SRGAP1: variants seen among roughly 807,000 people sequenced by gnomAD.
The protein encoded by SRGAP1 is SLIT-ROBO Rho GTPase activating protein 1, also known as SLIT-ROBO Rho GTPase-activating protein 1.
SRGAP1 carries 43 observed loss-of-function variants against 121.9 expected under a neutral mutation model. The observed-to-expected ratio is 0.35, with a 90% CI of 0.28 to 0.46. The LOEUF is 0.46. SRGAP1 is among the 20% of genes least tolerant of loss of function. SRGAP1 has a pLI of 1.00. For missense variants in SRGAP1, 1,102 were observed against 1,350.9 expected, an observed-to-expected ratio of 0.82 and a Z score of 2.89; for synonymous variants, 447 against 485.4, an observed-to-expected ratio of 0.92 and a Z score of 1.04.
chr12:63,867,744 G>T (rs943950854), intron 1 of SRGAP1, among the ~76,000 whole-genome samples: 2 of 151,684 alleles, frequency 1.3e-5, no homozygotes, highest in Admixed American at 6.6e-5. Context: ...AGAAGCTATG[G>T]TCTTAATTAG....
At chr12:64,065,031 A>G in intron 7 of SRGAP1, 87 bp from the exon 8 acceptor site, 2 of 886,676 alleles carry the variant, frequency 2.3e-6, no homozygotes, top group South Asian at 1.6e-5. Context: ...GATTGGTGTG[A>G]TTCATGCATC....
chr12:64,036,626 A>G (rs184901781), intron 4 of SRGAP1, among the ~76,000 whole-genome samples: 3 of 152,310 alleles, frequency 2.0e-5, no homozygotes, highest in African/African-American at 7.2e-5. Flanking sequence ...CTGAGAGGCC[A>G]TAAATTCCAA....
chr12:63,903,776 G>A (rs1232651357), intron 1 of SRGAP1, among the ~76,000 whole-genome samples: 3 of 151,694 alleles, frequency 2.0e-5, no homozygotes, highest in African/African-American at 4.8e-5. Flanking sequence ...CTGGGACTAC[G>A]GGCGCCCGCC....
chr12:64,022,214 G>A (rs1258651082), intron 4 of SRGAP1, among the ~76,000 whole-genome samples: 4 of 152,112 alleles, frequency 2.6e-5, no homozygotes, highest in African/African-American at 9.7e-5. Context: ...GGCTCCCACA[G>A]TTACAGAAGA....
chr12:63,911,048 C>G (rs893860815), intron 1 of SRGAP1, among the ~76,000 whole-genome samples: 4 of 151,960 alleles, frequency 2.6e-5, no homozygotes, highest in African/African-American at 7.3e-5. Context: ...GCCTGTAATC[C>G]CAGCACTTTG....
chr12:63,969,853 A>G (rs188763458), intron 1 of SRGAP1, among the ~76,000 whole-genome samples: 103 of 151,910 alleles, frequency 6.8e-4, no homozygotes, highest in Middle Eastern at 3.5e-3. Context: ...TGTACAGACC[A>G]AAACTCTCTT....
intron 2 of SRGAP1, among the ~76,000 whole-genome samples, chr12:63,986,168 C>T (rs1346707425): frequency 6.6e-6 from 1 of 150,512 alleles, no homozygotes; most frequent in African/African-American, 2.4e-5. Flanking sequence ...TTTTTTCTTC[C>T]TCTCCCTTTC....
At chr12:64,023,204 CAA>C (rs11312893) in intron 4 of SRGAP1, among the ~76,000 whole-genome samples, 6,414 of 77,326 alleles carry the variant, frequency 0.083, 168 homozygotes, top group African/African-American at 0.16. Context: ...ACTTTTGTAC[CAA>C]AAAAAAAAAA....
intron 1 of SRGAP1, among the ~76,000 whole-genome samples, chr12:63,902,593 T>G (rs1259864422): frequency 6.6e-6 from 1 of 152,196 alleles, no homozygotes; most frequent in African/African-American, 2.4e-5. Flanking sequence ...CTAGATTTGG[T>G]TATAAAGTAA....
chr12:64,021,825 A>G (rs1412140911), intron 4 of SRGAP1, among the ~76,000 whole-genome samples: 2 of 152,234 alleles, frequency 1.3e-5, no homozygotes, highest in African/African-American at 4.8e-5. Context: ...GTGTATTTAA[A>G]TGATTTAACA....
chr12:63,881,083 C>T (rs958806182), intron 1 of SRGAP1, among the ~76,000 whole-genome samples: 2 of 152,104 alleles, frequency 1.3e-5, no homozygotes, highest in Admixed American at 6.6e-5. Flanking sequence ...GTATATTTTG[C>T]GAAGTCAACT....
At chr12:63,846,452 G>A (rs2136248804) in intron 1 of SRGAP1, among the ~76,000 whole-genome samples, 1 of 152,240 alleles carries the variant, frequency 6.6e-6, no homozygotes, top group Middle Eastern at 3.4e-3. Context: ...AGCACTAATT[G>A]GCAAATGCAC....
intron 1 of SRGAP1, among the ~76,000 whole-genome samples, chr12:63,871,365 T>G (rs1433914002): frequency 6.6e-6 from 1 of 152,338 alleles, no homozygotes; most frequent in East Asian, 1.9e-4. Flanking sequence ...CCTGGGTAAA[T>G]TGAAATCTAA....
intron 1 of SRGAP1, among the ~76,000 whole-genome samples, chr12:63,963,724 A>C (rs937133093): frequency 1.3e-5 from 2 of 152,182 alleles, no homozygotes; most frequent in African/African-American, 4.8e-5. Context: ...TCTGATGACC[A>C]CTATTTTCTT....
intron 1 of SRGAP1, among the ~76,000 whole-genome samples, chr12:63,911,993 G>A (rs2030523112): frequency 6.6e-6 from 1 of 152,170 alleles, no homozygotes; most frequent in African/African-American, 2.4e-5. Flanking sequence ...GAGAAATAGT[G>A]GAGGATGTGC....
Position 64,143,836 on chromosome 12 carries a change from G to C in SRGAP1, c.*1164G>C, listed in dbSNP as rs2037007458. 2 of 152,028 alleles carry C rather than the reference G, an allele frequency of 1.3e-5. No individual in the cohort carries two copies. Among genetic ancestry groups the C allele is most frequent in the African/African-American group, 4.8e-5 (2 of 41,374 alleles). 9.4% of individuals were successfully genotyped at this position (152,028 alleles called of 1,614,324 possible). On this transcript the variant is annotated 3_prime_UTR_variant, in exon 22 of 22. Coordinates refer to ENST00000355086, the MANE Select transcript of SRGAP1 (RefSeq NM_020762.4). ...TGATCCTAAATTTGAAATCCCAACT[G>C]TCCTCTCCATTTGTCTTTGAGCCAA...
intron 1 of SRGAP1, among the ~76,000 whole-genome samples, chr12:63,850,509 C>T (rs1187308880): frequency 1.3e-5 from 2 of 151,550 alleles, no homozygotes; most frequent in African/African-American, 4.9e-5. Context: ...AGGCTCACTG[C>T]AGCCTTGACC....
chr12:63,955,450 T>C (rs1465098469), intron 1 of SRGAP1, among the ~76,000 whole-genome samples: 1 of 152,222 alleles, frequency 6.6e-6, no homozygotes, highest in African/African-American at 2.4e-5. Flanking sequence ...ACACTTATCA[T>C]TTTTTTGTGG....
chr12:63,891,506 G>T (rs1900579079), intron 1 of SRGAP1, among the ~76,000 whole-genome samples: 1 of 152,196 alleles, frequency 6.6e-6, no homozygotes, highest in South Asian at 2.1e-4. Context: ...TTGGTTTACA[G>T]CTGGGAGGGG....
Sources: allele counts gnomAD v4.1 joint callset (sites outside exome capture counted in the v4.1 genomes callset), GRCh38; gene constraint gnomAD v4.1.1; transcripts MANE v1.5; gene names NCBI Gene and HGNC (gene_info 2026-07-23, HGNC 2026-07-21).